GSK3B: variants seen among roughly 807,000 people sequenced by gnomAD.
The protein encoded by GSK3B is glycogen synthase kinase-3 beta.
Under a neutral mutation model 56.4 loss-of-function variants are expected in GSK3B, and 15 were observed. That is an observed-to-expected ratio of 0.27 (90% CI 0.18 to 0.41). The LOEUF (loss-of-function observed/expected upper bound fraction) is 0.41. Ranked by LOEUF, GSK3B falls within the 10% of genes least tolerant of loss-of-function variation. The probability of loss-of-function intolerance (pLI) is 1.00; values close to 1 mark genes in which losing one functional copy is unlikely to be tolerated. For missense variants in GSK3B, 300 were observed against 513.4 expected, an observed-to-expected ratio of 0.58 and a Z score of 4.02; for synonymous variants, 181 against 188.9, an observed-to-expected ratio of 0.96 and a Z score of 0.34.
At chr3:119,945,937 A>C (rs930429711) in intron 3 of GSK3B, among the ~76,000 whole-genome samples, 8 of 152,126 alleles carry the variant, frequency 5.3e-5, no homozygotes, top group Non-Finnish European at 1.2e-4. Context: ...AGGCTGTACA[A>C]TTTTACTTAG....
At chr3:120,092,620 G>T (rs1387095) in intron 1 of GSK3B, among the ~76,000 whole-genome samples, 1 of 152,042 alleles carries the variant, frequency 6.6e-6, no homozygotes, top group Non-Finnish European at 1.5e-5. Flanking sequence ...TAAATTATAC[G>T]GTGGCAGGTT....
At chr3:119,985,142 C>A (rs1025123525) in intron 2 of GSK3B, among the ~76,000 whole-genome samples, 3 of 152,054 alleles carry the variant, frequency 2.0e-5, no homozygotes, top group African/African-American at 4.8e-5. Context: ...ATTCAACAGC[C>A]CCTCATGCTA....
At chr3:119,999,451 A>T (rs2057654870) in intron 2 of GSK3B, among the ~76,000 whole-genome samples, 1 of 152,240 alleles carries the variant, frequency 6.6e-6, no homozygotes, top group Non-Finnish European at 1.5e-5. Context: ...AATAATAACA[A>T]TATCAATCAC....
chr3:120,041,448 A>G, intron 1 of GSK3B: 1 of 264,776 alleles, frequency 3.8e-6, no homozygotes. Flanking sequence ...GCATACCTTC[A>G]AAAAAGACTT....
At position 119,824,477 on chromosome 3, in the gene GSK3B, C is replaced by A. The variant is rs992755091; in HGVS notation, c.*2311G>T. On this transcript the variant is annotated 3_prime_UTR_variant, in exon 11 of 11. Coordinates refer to ENST00000264235, the MANE Select transcript of GSK3B (RefSeq NM_001146156.2). ...ATTTTTATGGACTCTGGGGAGTATA[C>A]CACGTCCAGAGCAGTGTCTGCATCC... is the stretch of plus-strand genomic sequence containing the variant. 1 of 215,608 alleles carries A rather than the reference C, an allele frequency of 4.6e-6. No homozygotes were observed. Among genetic ancestry groups the A allele is most frequent in the African/African-American group, 2.3e-5 (1 of 44,388 alleles). The allele number at this position is 215,608 out of a possible 1,614,324, so 13.4% of individuals were successfully genotyped here. A position where few individuals can be genotyped will look rare whatever the true frequency, so the allele number is the denominator to read the frequency against.
At chr3:120,016,984 G>A (rs530106969) in intron 1 of GSK3B, among the ~76,000 whole-genome samples, 4 of 152,156 alleles carry the variant, frequency 2.6e-5, no homozygotes, top group South Asian at 4.2e-4. Context: ...TTCCATACAC[G>A]TCTAAAAGGC....
At chr3:119,967,946 C>T (rs541672283) in intron 2 of GSK3B, among the ~76,000 whole-genome samples, 134 of 152,146 alleles carry the variant, frequency 8.8e-4, no homozygotes, top group Non-Finnish European at 1.6e-3. Context: ...ACCTCTGCCT[C>T]CCGGATTCAA....
intron 9 of GSK3B, among the ~76,000 whole-genome samples, chr3:119,844,996 G>C (rs1042957887): frequency 6.6e-6 from 1 of 152,172 alleles, no homozygotes; most frequent in Non-Finnish European, 1.5e-5. Context: ...GGGATGAAAG[G>C]CTGGTTCAAC....
chr3:120,076,832 A>G (rs1183538660), intron 1 of GSK3B, among the ~76,000 whole-genome samples: 2 of 150,850 alleles, frequency 1.3e-5, no homozygotes, highest in African/African-American at 2.4e-5. Flanking sequence ...AAAAAAAAAA[A>G]AAAAAAATGG....
At chr3:120,044,195 T>C (rs1235279474) in intron 1 of GSK3B, among the ~76,000 whole-genome samples, 1 of 152,186 alleles carries the variant, frequency 6.6e-6, no homozygotes, top group East Asian at 1.9e-4. Context: ...TCCAACACCC[T>C]GTGGGTCAGC....
At chr3:119,910,261 T>C (rs987028075) in intron 6 of GSK3B, among the ~76,000 whole-genome samples, 1 of 152,132 alleles carries the variant, frequency 6.6e-6, no homozygotes, top group Non-Finnish European at 1.5e-5. Flanking sequence ...TTCTAAAAAG[T>C]AGAATTTGAA....
intron 2 of GSK3B, among the ~76,000 whole-genome samples, chr3:119,951,177 G>A (rs972195360): frequency 1.3e-5 from 2 of 152,264 alleles, no homozygotes; most frequent in East Asian, 3.9e-4. Context: ...GGGGGTGGAG[G>A]GAGGCTCAAC....
At chr3:119,836,364 C>T (rs942474851) in intron 10 of GSK3B, among the ~76,000 whole-genome samples, 12 of 152,074 alleles carry the variant, frequency 7.9e-5, no homozygotes, top group African/African-American at 2.9e-4. Context: ...TCATGACTCC[C>T]CCTTCTGTTA....
intron 3 of GSK3B, among the ~76,000 whole-genome samples, chr3:119,927,279 C>T (rs1004731575): frequency 3.3e-5 from 5 of 152,134 alleles, no homozygotes; most frequent in Admixed American, 2.6e-4. Context: ...ACTGACATGT[C>T]TGTTTTAACT....
intron 7 of GSK3B, among the ~76,000 whole-genome samples, chr3:119,894,563 A>G (rs1211460002): frequency 6.6e-6 from 1 of 152,084 alleles, no homozygotes; most frequent in Admixed American, 6.6e-5. Context: ...TCTTTAGAGA[A>G]GTGTCTATGC....
chr3:120,060,779 G>A (rs2058229881), intron 1 of GSK3B, among the ~76,000 whole-genome samples: 1 of 152,036 alleles, frequency 6.6e-6, no homozygotes, highest in African/African-American at 2.4e-5. Flanking sequence ...TGATTTGAAA[G>A]AAATCAATTC....
At chr3:119,878,754 A>C (rs1205535967) in intron 7 of GSK3B, among the ~76,000 whole-genome samples, 6 of 152,180 alleles carry the variant, frequency 3.9e-5, no homozygotes, top group African/African-American at 1.4e-4. Context: ...ATACAGTAAA[A>C]CATTACTCAG....
chr3:119,849,465 G>C (rs989103577), intron 9 of GSK3B, among the ~76,000 whole-genome samples: 1 of 152,268 alleles, frequency 6.6e-6, no homozygotes, highest in African/African-American at 2.4e-5. Context: ...TTTTTAATAA[G>C]ACATTTTGAC....
chr3:119,975,008 T>C (rs761202193), intron 2 of GSK3B, among the ~76,000 whole-genome samples: 32 of 152,230 alleles, frequency 2.1e-4, no homozygotes, highest in Non-Finnish European at 3.2e-4. Flanking sequence ...TATGACCACA[T>C]AAAAACCTGC....
Sources: allele counts gnomAD v4.1 joint callset (sites outside exome capture counted in the v4.1 genomes callset), GRCh38; gene constraint gnomAD v4.1.1; transcripts MANE v1.5; gene names NCBI Gene and HGNC (gene_info 2026-07-23, HGNC 2026-07-21).